The following MED27 variants were observed in gnomAD, a reference collection of about 807,000 sequenced individuals.
MED27 encodes the protein mediator complex subunit 27, also known as mediator of RNA polymerase II transcription subunit 27.
MED27 carries 30 observed loss-of-function variants against 38.2 expected under a neutral mutation model. The observed-to-expected ratio is 0.79, with a 90% CI of 0.59 to 1.07. MED27 has a LOEUF of 1.07. Among genes scored for constraint, MED27 ranks in the 50% least tolerant of loss-of-function variants. MED27 has a pLI of 0.00. For missense variants in MED27, 289 were observed against 397.5 expected, an observed-to-expected ratio of 0.73 and a Z score of 2.32; for synonymous variants, 122 against 153.5, an observed-to-expected ratio of 0.79 and a Z score of 1.52.
chr9:131,876,808 T>C (rs1050703297), intron 6 of MED27, among the ~76,000 whole-genome samples: 1 of 152,192 alleles, frequency 6.6e-6, no homozygotes, highest in Non-Finnish European at 1.5e-5. Context: ...ATCGGAGTCA[T>C]GGACAGAACT....
At chr9:132,023,833 C>T (rs1277627171) in intron 2 of MED27, among the ~76,000 whole-genome samples, 2 of 152,168 alleles carry the variant, frequency 1.3e-5, no homozygotes, top group African/African-American at 4.8e-5. Flanking sequence ...GGAAGTGAGA[C>T]AGCTGCTTAG....
chr9:131,871,982 G>C (rs1016330985), intron 6 of MED27, among the ~76,000 whole-genome samples: 2 of 152,166 alleles, frequency 1.3e-5, no homozygotes, highest in African/African-American at 2.4e-5. Flanking sequence ...TGTCCTCAGG[G>C]GCTCCCGAGT....
chr9:132,024,313 G>A (rs977052361), intron 2 of MED27, among the ~76,000 whole-genome samples: 1 of 152,146 alleles, frequency 6.6e-6, no homozygotes, highest in Non-Finnish European at 1.5e-5. Context: ...AGTATTGTTG[G>A]CCTCCTTTTA....
intron 6 of MED27, among the ~76,000 whole-genome samples, chr9:131,875,060 C>T (rs1838906029): frequency 6.6e-6 from 1 of 152,120 alleles, no homozygotes; most frequent in Non-Finnish European, 1.5e-5. Flanking sequence ...CCAGGCGCCC[C>T]AGCCACCCCT....
At chr9:131,870,885 C>T (rs562830124) in intron 6 of MED27, among the ~76,000 whole-genome samples, 30 of 152,302 alleles carry the variant, frequency 2.0e-4, no homozygotes, top group Non-Finnish European at 3.2e-4. Context: ...ACAGAGACAC[C>T]GGTGGGCCCT....
At position 131,948,990 on chromosome 9, in the gene MED27, A is replaced by C. The variant is rs77997430; in HGVS notation, c.480-9516T>G. On this transcript the variant is annotated intron_variant, in intron 3 of 7. Coordinates refer to ENST00000292035, the MANE Select transcript of MED27 (RefSeq NM_004269.4). ...GGGCCCAGCACACGCTGAAACGTAT[A>C]AACCAACCTGCCTACCTTCTTCCTG... is the stretch of plus-strand genomic sequence containing the variant. 6.9e-3 allele frequency among the ~76,000 whole-genome samples: 1,047 copies of C among 152,316 alleles called. 15 individuals are homozygous for C. The highest frequency in any genetic ancestry group is 0.024 in the African/African-American group (1,001 of 41,556).
intron 3 of MED27, among the ~76,000 whole-genome samples, chr9:132,013,404 A>G (rs1832524342): frequency 6.6e-6 from 1 of 152,228 alleles, no homozygotes; most frequent in Non-Finnish European, 1.5e-5. Flanking sequence ...ATGGTGTTAA[A>G]CTTGGGAAGG....
chr9:131,908,096 G>A (rs1473863202), intron 4 of MED27, among the ~76,000 whole-genome samples: 2 of 151,390 alleles, frequency 1.3e-5, no homozygotes, highest in Non-Finnish European at 2.9e-5. Flanking sequence ...GAGCGTCTCC[G>A]CCCGGCAGCC....
At chr9:131,960,466 T>C (rs1306657507) in intron 3 of MED27, among the ~76,000 whole-genome samples, 1 of 152,182 alleles carries the variant, frequency 6.6e-6, no homozygotes, top group Non-Finnish European at 1.5e-5. Flanking sequence ...GCTAGGGACG[T>C]GGCTCATAAT....
intron 4 of MED27, among the ~76,000 whole-genome samples, chr9:131,899,673 G>A (rs1249180664): frequency 6.6e-6 from 1 of 152,188 alleles, no homozygotes; most frequent in Non-Finnish European, 1.5e-5. Flanking sequence ...GCAGCAGGAA[G>A]GGTAACGTAA....
chr9:131,864,480 AC>A (rs1838703608), intron 6 of MED27, among the ~76,000 whole-genome samples: 1 of 152,248 alleles, frequency 6.6e-6, no homozygotes, highest in African/African-American at 2.4e-5. Flanking sequence ...CCTGTCTCAA[AC>A]AAAACAAAAT....
At chr9:131,900,230 C>G (rs1403061696) in intron 4 of MED27, among the ~76,000 whole-genome samples, 4 of 152,232 alleles carry the variant, frequency 2.6e-5, no homozygotes, top group Non-Finnish European at 5.9e-5. Context: ...GCCTAGCCCC[C>G]CCATCAGGTC....
At chr9:132,041,549 C>G (rs1174108280) in intron 2 of MED27, among the ~76,000 whole-genome samples, 1 of 152,232 alleles carries the variant, frequency 6.6e-6, no homozygotes, top group African/African-American at 2.4e-5. Context: ...TCCCCATCTT[C>G]CTGTCGGGCA....
At chr9:131,874,897 G>A (rs1838902553) in intron 6 of MED27, among the ~76,000 whole-genome samples, 1 of 152,240 alleles carries the variant, frequency 6.6e-6, no homozygotes, top group African/African-American at 2.4e-5. Flanking sequence ...CGGCCCTGCA[G>A]TCAGAGAAAC....
chr9:132,039,476 C>A (rs1028283586), intron 2 of MED27, among the ~76,000 whole-genome samples: 3 of 152,228 alleles, frequency 2.0e-5, no homozygotes, highest in Non-Finnish European at 4.4e-5. Context: ...CAATAAGTGC[C>A]GGCCATTGTC....
intron 4 of MED27, among the ~76,000 whole-genome samples, chr9:131,910,750 G>A (rs746484691): frequency 1.3e-5 from 2 of 152,174 alleles, no homozygotes; most frequent in Non-Finnish European, 2.9e-5. Flanking sequence ...ACACTGCAGC[G>A]ACAAATTAAA....
At chr9:131,868,460 A>G (rs530460918) in intron 6 of MED27, 1 of 559,000 alleles carries the variant, frequency 1.8e-6, no homozygotes, top group East Asian at 1.4e-4. Context: ...TTATTTTTGT[A>G]GAATCAGGGT....
intron 4 of MED27, among the ~76,000 whole-genome samples, chr9:131,904,541 G>C (rs1032267459): frequency 1.5e-4 from 20 of 134,838 alleles, no homozygotes; most frequent in Admixed American, 3.5e-4. Flanking sequence ...ATAGAGATCG[G>C]GGGGGAGCGG....
At chr9:132,037,983 A>G (rs878894103) in intron 2 of MED27, among the ~76,000 whole-genome samples, 3 of 152,050 alleles carry the variant, frequency 2.0e-5, no homozygotes, top group Admixed American at 6.5e-5. Context: ...TTTGTGATGC[A>G]TTGACGCAAC....
Sources: allele counts gnomAD v4.1 joint callset (sites outside exome capture counted in the v4.1 genomes callset), GRCh38; gene constraint gnomAD v4.1.1; transcripts MANE v1.5; gene names NCBI Gene and HGNC (gene_info 2026-07-23, HGNC 2026-07-21).